LRP2: variants seen among roughly 807,000 people sequenced by gnomAD.
The protein encoded by LRP2 is low-density lipoprotein receptor-related protein 2.
A neutral mutation model predicts 531.0 loss-of-function variants in LRP2; 172 were observed. The observed-to-expected ratio is 0.32, with a 90% CI of 0.29 to 0.37. The LOEUF (loss-of-function observed/expected upper bound fraction) is 0.37, where lower values mean the gene tolerates loss of function less well. LRP2 is among the 10% of genes least tolerant of loss of function. The pLI is 1.00. For synonymous variants in LRP2, 1,992 were observed against 2,027.6 expected, an observed-to-expected ratio of 0.98 and a Z score of 0.47; for missense variants, 5,167 against 5,868.3, an observed-to-expected ratio of 0.88 and a Z score of 3.90.
intron 71 of LRP2, 88 bp from the exon 72 acceptor site, chr2:169,140,633 G>T: frequency 1.0e-6 from 1 of 971,428 alleles, no homozygotes; most frequent in Non-Finnish European, 1.6e-6. Context: ...TTAGGGGTGG[G>T]AGGAGGGGCA....
intron 52 of LRP2, among the ~76,000 whole-genome samples, chr2:169,178,990 T>C (rs1214916263): frequency 6.8e-6 from 1 of 146,870 alleles, no homozygotes; most frequent in East Asian, 2.0e-4. Context: ...ATCTGATTTA[T>C]TTATTTATTT....
At chr2:169,204,322 G>GT (rs1688304516) in intron 41 of LRP2, 51 bp from the exon 42 acceptor site, 1 of 1,567,254 alleles carries the variant, frequency 6.4e-7, no homozygotes, top group Non-Finnish European at 8.7e-7. Flanking sequence ...AGTGAGTTAA[G>GT]TTTTCAACTG....
intron 25 of LRP2, among the ~76,000 whole-genome samples, chr2:169,239,977 C>T (rs551349838): frequency 6.6e-6 from 1 of 152,186 alleles, no homozygotes; most frequent in Non-Finnish European, 1.5e-5. Context: ...TACCATCCTT[C>T]ATATCCATTG....
chr2:169,354,830 C>A (rs971033863), intron 1 of LRP2, among the ~76,000 whole-genome samples: 1 of 152,186 alleles, frequency 6.6e-6, no homozygotes, highest in Non-Finnish European at 1.5e-5. Context: ...GTGCTAAGGA[C>A]ACTCAGATGT....
At chr2:169,154,433 A>T (rs144451278) in intron 66 of LRP2, 27 bp downstream of exon 66, 2 of 1,603,120 alleles carry the variant, frequency 1.2e-6, no homozygotes, top group African/African-American at 1.3e-5. Context: ...CTTAATATCA[A>T]TGAAAGATGC....
intron 33 of LRP2, among the ~76,000 whole-genome samples, chr2:169,225,027 G>C (rs1167788231): frequency 6.6e-6 from 1 of 151,976 alleles, no homozygotes. Flanking sequence ...GGAGCCAGAG[G>C]TTGCAGTGAG....
Position 169,185,980 on chromosome 2 carries a change from T to C in LRP2, c.9368A>G (p.Asp3123Gly). The C allele has an allele frequency of 6.2e-7, 1 of 1,613,936 alleles. No individual in the cohort carries two copies. The highest frequency in any genetic ancestry group is 8.5e-7 in the Non-Finnish European group (1 of 1,179,966). Reference sequence around the variant, plus strand: ...GGTTAAGGTGTCTGTGCAGTTGTGATCGCAGCCACTGATTGAAGGGTCATG... The same window carrying C: ...GGTTAAGGTGTCTGTGCAGTTGTGACCGCAGCCACTGATTGAAGGGTCATG... ...ECHDPSISGC[D>G]HNCTDTLTSF... is the part of the protein sequence containing the mutation. The change falls in exon 50 of 79, where the codon GAT becomes GGT. Residue 3123 changes from aspartate (D) to glycine (G), a missense_variant. By Grantham distance (94) the Asp-to-Gly change is moderately conservative. This residue lies in a region of LRP2 where 1,129 missense variants were observed against 1,362.7 expected (regional missense o/e 0.83). Coordinates refer to ENST00000649046, the MANE Select transcript of LRP2 (RefSeq NM_004525.3).
intron 1 of LRP2, among the ~76,000 whole-genome samples, chr2:169,327,314 G>A (rs1685108709): frequency 7.6e-6 from 1 of 131,474 alleles, no homozygotes; most frequent in African/African-American, 2.8e-5. Flanking sequence ...GAGGGAGGTG[G>A]GGTCAGCCCC....
chr2:169,130,050 T>G (rs1685228131), intron 77 of LRP2, among the ~76,000 whole-genome samples: 1 of 152,136 alleles, frequency 6.6e-6, no homozygotes, highest in Non-Finnish European at 1.5e-5. Context: ...AGAACCTGCT[T>G]TGTACATAGT....
intron 1 of LRP2, among the ~76,000 whole-genome samples, chr2:169,347,331 C>T (rs1021834626): frequency 4.3e-4 from 66 of 152,308 alleles, no homozygotes; most frequent in African/African-American, 1.5e-3. Context: ...TAAGCACATC[C>T]AGCACATAGG....
chr2:169,150,658 G>C (rs934701424), intron 68 of LRP2, among the ~76,000 whole-genome samples: 25 of 152,224 alleles, frequency 1.6e-4, no homozygotes, highest in African/African-American at 6.0e-4. Context: ...ATTTGGCAAG[G>C]AATCCATGTA....
At chr2:169,280,544 A>C in intron 10 of LRP2, 25 bp from the exon 11 acceptor site, 1 of 1,611,050 alleles carries the variant, frequency 6.2e-7, no homozygotes, top group Non-Finnish European at 8.5e-7. Context: ...GGAAGGCATC[A>C]CCACTCCTTC....
Position 169,137,499 on chromosome 2 carries a change from GGCAGA to G in LRP2, c.13519-11_13519-7del, listed in dbSNP as rs764037559. The G allele has an allele frequency of 6.6e-7, 1 of 1,523,800 alleles. No homozygotes were observed. Among genetic ancestry groups the G allele is most frequent in the Non-Finnish European group, 9.1e-7 (1 of 1,098,410 alleles). The allele number at this position is 1,523,800 out of a possible 1,614,324, so 94.4% of individuals were successfully genotyped here. A position where few individuals can be genotyped will look rare whatever the true frequency, so the allele number is the denominator to read the frequency against. On this transcript the variant is annotated splice_polypyrimidine_tract_variant and splice_region_variant and intron_variant, in intron 75 of 78. Transcript: ENST00000649046. ...TCCATGACAAAGTCTTCACTCTGAT[GGCAGA>G]GACAGAAAGAGAGAGAGAGAGAGAG...
rs115437352 is a variant in LRP2, at chr2:169,288,874, A to G, written c.1042+152T>C. The G allele has an allele frequency of 8.4e-4, 1,026 of 1,219,320 alleles. 8 individuals are homozygous for G. The African/African-American group carries it at 9.4e-3, about 11-fold the overall frequency. The allele number at this position is 1,219,320 out of a possible 1,614,324, so 75.5% of individuals were successfully genotyped here. ...AACCTTCTCAGAGTTAAAATTCCCT[A>G]TTTGCCAGGTTTTCTGTGAGGTCTG... is the stretch of plus-strand genomic sequence containing the variant. On this transcript the variant is annotated intron_variant, in intron 9 of 78. Coordinates refer to ENST00000649046, the MANE Select transcript of LRP2 (RefSeq NM_004525.3).
chr2:169,151,690 C>T (rs565969078), intron 67 of LRP2, among the ~76,000 whole-genome samples: 2 of 152,172 alleles, frequency 1.3e-5, no homozygotes, highest in Non-Finnish European at 2.9e-5. Flanking sequence ...TTTCTTAATT[C>T]TCTTATTCAT....
chr2:169,240,990 C>G lies in LRP2; in HGVS notation c.4043G>C (p.Cys1348Ser), dbSNP rs745565553. ...TAAACTGTGGTCAGGAAACTTACTG[C>G]AAAGTGGGGACTCATCTGTCCCATT... ...CPNGTDESPL[C>S]NGNSCSDFNG... Residue 1348 changes from cysteine to serine, a missense_variant and splice_region_variant, in exon 25 of 79, where the codon TGC (cysteine) becomes TCC (serine). This residue lies in a region of LRP2 where 2,811 missense variants were observed against 3,058.0 expected (regional missense o/e 0.92). Transcript: ENST00000649046. The G allele has an allele frequency of 6.2e-7, 1 of 1,612,344 alleles. No homozygotes were observed. Among genetic ancestry groups the G allele is most frequent in the Non-Finnish European group, 8.5e-7 (1 of 1,180,028 alleles).
intron 16 of LRP2, among the ~76,000 whole-genome samples, chr2:169,269,443 G>GCCGT (rs1683337989): frequency 6.6e-6 from 1 of 151,978 alleles, no homozygotes; most frequent in Non-Finnish European, 1.5e-5. Flanking sequence ...CCTCAGAAAT[G>GCCGT]ATATCACACA....
At chr2:169,232,520 G>A (rs1203003329) in intron 30 of LRP2, among the ~76,000 whole-genome samples, 2 of 152,082 alleles carry the variant, frequency 1.3e-5, no homozygotes, top group Admixed American at 6.5e-5. Flanking sequence ...GTATATATTC[G>A]AGCAAAAAGA....
Position 169,291,003 on chromosome 2 carries a change from G to T in LRP2, c.770-6C>A. 6.2e-7 allele frequency: 1 copy of T among 1,613,562 alleles called. No individual in the cohort carries two copies. Among genetic ancestry groups the T allele is most frequent in the Non-Finnish European group, 8.5e-7 (1 of 1,179,700 alleles). On this transcript the variant is annotated splice_region_variant and splice_polypyrimidine_tract_variant and intron_variant, in intron 7 of 78. Transcript: ENST00000649046. ...AACATCATGAGGACCGCTTTCTGTG[G>T]GGGGAAAAAGAGAGAGTTACAGGCC...
Sources: gnomAD v4.1 joint callset for allele counts (sites outside exome capture counted in the v4.1 genomes callset) on GRCh38, gnomAD v4.1.1 for gene constraint, gnomAD v4.1.1 regional missense constraint, MANE v1.5 for transcripts, NCBI Gene and HGNC (gene_info 2026-07-23, HGNC 2026-07-21) for gene names.